Variants in YBX3 observed in about 807,000 individuals in gnomAD.
YBX3 encodes the protein Y-box-binding protein 3.
Under a neutral mutation model 42.4 loss-of-function variants are expected in YBX3, and 29 were observed. The ratio of observed to expected loss-of-function variants is 0.68; its 90% CI spans 0.51 to 0.93. The LOEUF (loss-of-function observed/expected upper bound fraction) is 0.93, where lower values mean the gene tolerates loss of function less well. Among genes scored for constraint, YBX3 ranks in the 40% least tolerant of loss-of-function variants. The pLI, the probability that YBX3 is intolerant of heterozygous loss-of-function variation, is 0.00. For missense variants in YBX3, 517 were observed against 527.5 expected (o/e 0.98, Z 0.19); for synonymous variants, 195 against 189.8 (o/e 1.03, Z -0.22).
chr12:10,702,357 C>A (rs1216982000), intron 7 of YBX3: 1 of 290,438 alleles, frequency 3.4e-6, no homozygotes, highest in African/African-American at 2.2e-5. Flanking sequence ...TCCATCTCTA[C>A]TAAAAATACA....
intron 7 of YBX3, chr12:10,702,342 G>A: frequency 1.2e-5 from 4 of 333,410 alleles, no homozygotes; most frequent in Non-Finnish European, 1.6e-5. Context: ...CCAACATGGT[G>A]AAACTCCATC....
At chr12:10,721,009 A>G (rs928460225) in intron 1 of YBX3, 2 of 152,202 alleles carry the variant, frequency 1.3e-5, no homozygotes, top group Non-Finnish European at 2.9e-5. Context: ...TGCACTCATG[A>G]AAACTATTTT....
chr12:10,715,732 C>T lies in YBX3; in HGVS notation c.412G>A (p.Gly138Arg), dbSNP rs1028377971. The T allele has an allele frequency of 1.9e-6, 3 of 1,613,960 alleles. No individual in the cohort carries two copies. The highest frequency in any genetic ancestry group is 2.7e-5 in the African/African-American group (2 of 74,906). Residue 138 changes from glycine (G) to arginine (R), a missense_variant, in exon 4 of 10, where the codon GGA (glycine) becomes AGA (arginine). Gly to Arg is a moderately radical substitution (Grantham distance 125). Transcript: ENST00000228251. Reference sequence around the variant, plus strand: ...ACCACATCAAACTCTACAGTTTCTCCATCTCCTACACTGCGCAGATATTTC... The same window carrying T: ...ACCACATCAAACTCTACAGTTTCTCTATCTCCTACACTGCGCAGATATTTC... Reference protein sequence around the residue: ...PRKYLRSVGDGETVEFDVVEG... With the variant: ...PRKYLRSVGDRETVEFDVVEG...
chr12:10,702,242 C>A, intron 7 of YBX3, 108 bp from the exon 8 acceptor site: 2 of 1,122,442 alleles, frequency 1.8e-6, no homozygotes, highest in Non-Finnish European at 2.4e-6. Flanking sequence ...TGATCAGGGC[C>A]AGGCATGATG....
At chr12:10,710,411 C>G (rs997659235) in intron 5 of YBX3, 1 of 1,304,008 alleles carries the variant, frequency 7.7e-7, no homozygotes, top group Non-Finnish European at 9.8e-7. Context: ...ACCAACCACC[C>G]GAAGAGTATC....
intron 7 of YBX3, 100 bp from the exon 8 acceptor site, chr12:10,702,234 A>C: frequency 7.9e-7 from 1 of 1,271,990 alleles, no homozygotes. Flanking sequence ...AAGTCAAGTG[A>C]TCAGGGCCAG....
intron 5 of YBX3, 146 bp downstream of exon 5, chr12:10,713,065 A>C: frequency 8.7e-7 from 1 of 1,154,614 alleles, no homozygotes; most frequent in East Asian, 2.6e-5. Context: ...AAATAAGATA[A>C]AAATTTCCTC....
At chr12:10,721,853 G>C (rs551974889) in intron 1 of YBX3, 46 of 152,288 alleles carry the variant, frequency 3.0e-4, no homozygotes, top group African/African-American at 1.1e-3. Flanking sequence ...ACACCCTTTA[G>C]GGAGGTTATT....
At chr12:10,715,558 T>A (rs935188693) in intron 4 of YBX3, 136 bp downstream of exon 4, 7 of 778,108 alleles carry the variant, frequency 9.0e-6, no homozygotes, top group Non-Finnish European at 1.3e-5. Flanking sequence ...AAAAAAAAAA[T>A]TCTGTTTAAA....
intron 4 of YBX3, among the ~76,000 whole-genome samples, chr12:10,713,771 T>A (rs1181653030): frequency 6.6e-6 from 1 of 152,228 alleles, no homozygotes; most frequent in Non-Finnish European, 1.5e-5. Flanking sequence ...GCTCATATGA[T>A]TCTCTGTCCA....
Position 10,701,688 on chromosome 12 carries a change from T to C in YBX3, c.1053+272A>G, listed in dbSNP as rs113716757. 2.9e-3 allele frequency among the ~76,000 whole-genome samples: 440 copies of C among 152,340 alleles called. 2 individuals are homozygous for C. The highest frequency in any genetic ancestry group is 1.0e-2 in the African/African-American group (414 of 41,592). On this transcript the variant is annotated intron_variant, in intron 8 of 9. Transcript: ENST00000228251. ...CAACTCATGCTTAGAGGCAGCTTCC[T>C]CTTGATAAATGCCTCTCTTCTTTGA...
chr12:10,712,930 C>T (rs188322928), intron 5 of YBX3: 124 of 326,152 alleles, frequency 3.8e-4, no homozygotes, highest in African/African-American at 2.4e-3. Flanking sequence ...TTAAGAGTAC[C>T]GTGTATACTG....
chr12:10,702,307 G>A (rs1215907299), intron 7 of YBX3, 173 bp from the exon 8 acceptor site: 6 of 487,750 alleles, frequency 1.2e-5, no homozygotes, highest in African/African-American at 1.2e-4. Context: ...GATCACTTGA[G>A]GTCAGGAGTT....
chr12:10,700,373 T>A (rs1948065120), intron 9 of YBX3, among the ~76,000 whole-genome samples: 1 of 152,142 alleles, frequency 6.6e-6, no homozygotes. Context: ...GACACTGAGT[T>A]TACAACCTCT....
At chr12:10,705,570 T>C (rs937021988) in intron 6 of YBX3, among the ~76,000 whole-genome samples, 1 of 152,236 alleles carries the variant, frequency 6.6e-6, no homozygotes, top group Non-Finnish European at 1.5e-5. Flanking sequence ...ATAGTTTCAA[T>C]TTGTGCCATT....
rs1476867812 is a variant in YBX3, at chr12:10,709,968, G to A, written c.720C>T (p.Tyr240=). Residue 240 remains tyrosine (Y), a synonymous_variant, in exon 6 of 10, where the codon TAC becomes TAT. Coordinates refer to ENST00000228251, the MANE Select transcript of YBX3 (RefSeq NM_003651.5). ...GACGGTCAAAGGTCTGTCCCACGTG[G>A]TAAGGCGGGAACCGCCGCTGCCGGT... ...PQYRQRRFPP[Y]HVGQTFDRRS... is the part of the protein sequence containing the mutation. 3 of 1,614,030 alleles carry A rather than the reference G, an allele frequency of 1.9e-6. No homozygotes were observed. The highest frequency in any genetic ancestry group is 8.5e-7 in the Non-Finnish European group (1 of 1,179,868).
At chr12:10,718,334 T>G in intron 2 of YBX3, 1 of 497,326 alleles carries the variant, frequency 2.0e-6, no homozygotes, top group Non-Finnish European at 3.6e-6. Context: ...CCACAGTGCT[T>G]AGATCCAAGC....
intron 5 of YBX3, 87 bp from the exon 6 acceptor site, chr12:10,710,201 T>C: frequency 6.5e-7 from 1 of 1,541,698 alleles, no homozygotes; most frequent in East Asian, 2.4e-5. Context: ...ATCACCAAAA[T>C]AAAATCTCCC....
intron 5 of YBX3, chr12:10,711,066 CT>C (rs1427332673): frequency 4.6e-5 from 7 of 152,138 alleles, no homozygotes; most frequent in Non-Finnish European, 7.3e-5. Flanking sequence ...TTTAATCATA[CT>C]TTGATGGTAG....
Sources: gnomAD v4.1 joint callset for allele counts (sites outside exome capture counted in the v4.1 genomes callset) on GRCh38, gnomAD v4.1.1 for gene constraint, MANE v1.5 for transcripts, NCBI Gene and HGNC (gene_info 2026-07-23, HGNC 2026-07-21) for gene names.